Variants in PPP1R9A observed in about 807,000 individuals in gnomAD.
PPP1R9A encodes the protein neurabin-1.
In PPP1R9A, 59 loss-of-function variants were observed where a neutral mutation model predicts 141.9. The observed-to-expected ratio is 0.42, with a 90% confidence interval of 0.34 to 0.52. PPP1R9A has a LOEUF of 0.52. Among genes scored for constraint, PPP1R9A ranks in the 20% least tolerant of loss-of-function variants. The probability of loss-of-function intolerance (pLI) is 0.10; values close to 1 mark genes in which losing one functional copy is unlikely to be tolerated. For missense variants in PPP1R9A, 1,444 were observed against 1,611.9 expected (o/e 0.90, Z 1.78); for synonymous variants, 500 against 569.7 (o/e 0.88, Z 1.74).
chr7:95,264,951 C>T (rs1003629651), intron 12 of PPP1R9A, among the ~76,000 whole-genome samples: 5 of 152,208 alleles, frequency 3.3e-5, no homozygotes, highest in Admixed American at 6.5e-5. Flanking sequence ...CTGTAGAGAA[C>T]GAATGACAGT....
chr7:95,169,637 T>C (rs966169818), intron 5 of PPP1R9A, among the ~76,000 whole-genome samples: 4 of 151,900 alleles, frequency 2.6e-5, no homozygotes, highest in African/African-American at 9.7e-5. Flanking sequence ...AATGTCACTT[T>C]TATCCCATAA....
intron 2 of PPP1R9A, among the ~76,000 whole-genome samples, chr7:95,076,399 A>G (rs950938164): frequency 3.3e-5 from 5 of 151,394 alleles, no homozygotes; most frequent in African/African-American, 1.2e-4. Flanking sequence ...AATACCATTT[A>G]TTGTATAATC....
intron 7 of PPP1R9A, among the ~76,000 whole-genome samples, chr7:95,218,749 T>G (rs1351779190): frequency 2.0e-5 from 3 of 152,250 alleles, no homozygotes; most frequent in Non-Finnish European, 1.5e-5. Context: ...TTTTGATCTT[T>G]GCTGGTTTAA....
intron 5 of PPP1R9A, among the ~76,000 whole-genome samples, chr7:95,186,143 C>G (rs1834617652): frequency 6.6e-6 from 1 of 152,040 alleles, no homozygotes; most frequent in Admixed American, 6.6e-5. Flanking sequence ...AATATTGATT[C>G]TACCAATCCG....
At chr7:94,934,966 C>T (rs541542553) in intron 2 of PPP1R9A, among the ~76,000 whole-genome samples, 89 of 152,140 alleles carry the variant, frequency 5.8e-4, no homozygotes, top group African/African-American at 2.0e-3. Context: ...TCAAGTGATC[C>T]TACTGCACCA....
At chr7:94,975,737 A>G (rs1799376010) in intron 2 of PPP1R9A, among the ~76,000 whole-genome samples, 1 of 152,116 alleles carries the variant, frequency 6.6e-6, no homozygotes, top group Non-Finnish European at 1.5e-5. Flanking sequence ...TTTCTGTGGG[A>G]AAATATATCC....
chr7:94,993,338 T>C (rs976211788), intron 2 of PPP1R9A, among the ~76,000 whole-genome samples: 3 of 152,180 alleles, frequency 2.0e-5, no homozygotes, highest in Admixed American at 2.0e-4. Context: ...CAGGAACAGT[T>C]AGCCTTTGAA....
chr7:95,049,792 T>C (rs555475621), intron 2 of PPP1R9A, among the ~76,000 whole-genome samples: 15 of 152,242 alleles, frequency 9.9e-5, no homozygotes, highest in Non-Finnish European at 1.6e-4. Flanking sequence ...CTTTCCAGAT[T>C]GACTTCTTTC....
chr7:95,117,018 A>G (rs1023428274), intron 3 of PPP1R9A, among the ~76,000 whole-genome samples: 1 of 152,210 alleles, frequency 6.6e-6, no homozygotes, highest in Non-Finnish European at 1.5e-5. Flanking sequence ...TACATGGGTT[A>G]AATAATAACA....
chr7:95,062,416 GA>G (rs1812357336), intron 2 of PPP1R9A, among the ~76,000 whole-genome samples: 1 of 150,184 alleles, frequency 6.7e-6, no homozygotes, highest in Admixed American at 6.7e-5. Context: ...ATAGATTAGG[GA>G]ATTTTTTTTT....
rs903349254 is a variant in PPP1R9A at position 95,288,572 on chromosome 7, T to C, written c.3766T>C (p.Cys1256Arg). 13 of 1,613,962 alleles carry C rather than the reference T, an allele frequency of 8.1e-6. No individual in the cohort carries two copies. The highest frequency in any genetic ancestry group is 1.0e-5 in the Non-Finnish European group (12 of 1,179,980). ...DDGQSPKHSQ[C>R]QNRAVQEWSV... ...TGGACAGTCTCCCAAACACAGTCAG[T>C]GTCAGAATCGGGCCGTTCAGGAATG... is the stretch of plus-strand genomic sequence containing the variant. Residue 1256 changes from cysteine (C) to arginine (R), a missense_variant, in exon 19 of 20, where the codon TGT (cysteine) becomes CGT (arginine). By Grantham distance (180) the Cys-to-Arg change is radical. Transcript: ENST00000433360.
intron 12 of PPP1R9A, among the ~76,000 whole-genome samples, chr7:95,265,988 A>T (rs1408028671): frequency 6.6e-6 from 1 of 152,196 alleles, no homozygotes; most frequent in Non-Finnish European, 1.5e-5. Flanking sequence ...GTTGTCTGAC[A>T]CAAGCACCAG....
At chr7:95,164,397 C>A (rs748133021) in intron 5 of PPP1R9A, among the ~76,000 whole-genome samples, 6 of 151,600 alleles carry the variant, frequency 4.0e-5, no homozygotes, top group Non-Finnish European at 7.4e-5. Flanking sequence ...TCTTTTTTTA[C>A]CTCTTTTGGA....
Position 94,910,372 on chromosome 7 carries a change from A to G in PPP1R9A, c.259A>G (p.Thr87Ala), listed in dbSNP as rs781472900. 6.2e-7 allele frequency: 1 copy of G among 1,614,162 alleles called. No individual in the cohort carries two copies. ...CGAGAATGCTGCAGTCATTGCCAAA[A>G]CAAGGGGGAAAGGTGGACATTCATC... ...PNENAAVIAK[T>A]RGKGGHSSPQ... Residue 87 changes from threonine to alanine, a missense_variant, in exon 2 of 20, where the codon ACA becomes GCA. Physicochemically the swap from Thr to Ala is moderately conservative, Grantham distance 58. Around this residue, in one of 5 missense-constraint regions of PPP1R9A, gnomAD observed 490 missense variants for 521.1 expected, o/e 0.94. Coordinates refer to ENST00000433360, the MANE Select transcript of PPP1R9A (RefSeq NM_001166160.2). This position sits in a 1 kb window ranked among gnomAD's most constrained non-coding sequence, Gnocchi z 4.5.
At chr7:95,000,301 C>G (rs942836097) in intron 2 of PPP1R9A, among the ~76,000 whole-genome samples, 2 of 152,124 alleles carry the variant, frequency 1.3e-5, no homozygotes, top group Non-Finnish European at 2.9e-5. Flanking sequence ...GTGCACATGA[C>G]AGGCCTAACA....
intron 2 of PPP1R9A, among the ~76,000 whole-genome samples, chr7:94,933,556 G>A (rs1016702415): frequency 2.0e-5 from 3 of 152,112 alleles, no homozygotes; most frequent in Non-Finnish European, 2.9e-5. Flanking sequence ...TGCTAAGGAC[G>A]AATGGCATCT....
chr7:95,272,422 T>C (rs1227621698), intron 14 of PPP1R9A, among the ~76,000 whole-genome samples: 1 of 152,200 alleles, frequency 6.6e-6, no homozygotes, highest in Non-Finnish European at 1.5e-5. Flanking sequence ...TTTTATATGA[T>C]TGTGTCACAT....
intron 2 of PPP1R9A, among the ~76,000 whole-genome samples, chr7:94,988,531 A>G (rs1801123783): frequency 6.6e-6 from 1 of 152,086 alleles, no homozygotes; most frequent in Non-Finnish European, 1.5e-5. Flanking sequence ...TAGATCTGAA[A>G]ACTAGGCTAA....
At chr7:95,069,203 A>G (rs1292981453) in intron 2 of PPP1R9A, among the ~76,000 whole-genome samples, 1 of 152,192 alleles carries the variant, frequency 6.6e-6, no homozygotes, top group Admixed American at 6.5e-5. Context: ...GATTTTCCCA[A>G]CATGTGAGGA....
Sources: allele counts gnomAD v4.1 joint callset (sites outside exome capture counted in the v4.1 genomes callset), GRCh38; gene constraint gnomAD v4.1.1; regional missense constraint gnomAD v4.1.1; non-coding constraint Gnocchi (gnomAD v3.1); transcripts MANE v1.5; gene names NCBI Gene and HGNC (gene_info 2026-07-23, HGNC 2026-07-21).